The following ADGRL3 variants were observed in gnomAD, a reference collection of about 807,000 sequenced individuals.
ADGRL3 encodes adhesion G protein-coupled receptor L3.
In ADGRL3, 62 loss-of-function variants were observed where a neutral mutation model predicts 153.5. The observed-to-expected ratio is 0.40, with a 90% CI of 0.33 to 0.50. The LOEUF is 0.50. Among genes scored for constraint, ADGRL3 ranks in the 20% least tolerant of loss-of-function variants. ADGRL3 has a pLI of 0.47. For missense variants in ADGRL3, 1,641 were observed against 1,859.4 expected, an observed-to-expected ratio of 0.88 and a Z score of 2.16; for synonymous variants, 710 against 672.5, an observed-to-expected ratio of 1.06 and a Z score of -0.86.
At chr4:61,707,829 G>A (rs2095881779) in intron 6 of ADGRL3, among the ~76,000 whole-genome samples, 1 of 151,940 alleles carries the variant, frequency 6.6e-6, no homozygotes, top group Non-Finnish European at 1.5e-5. Context: ...CTGATGATAG[G>A]CCCATATGTG....
intron 5 of ADGRL3, among the ~76,000 whole-genome samples, chr4:61,626,906 T>G (rs1464734203): frequency 6.6e-6 from 1 of 152,132 alleles, no homozygotes; most frequent in African/African-American, 2.4e-5. Context: ...TAGTTTCTTT[T>G]GAGTTCCTCT....
chr4:61,627,452 C>T (rs957019129), intron 5 of ADGRL3, among the ~76,000 whole-genome samples: 1 of 151,984 alleles, frequency 6.6e-6, no homozygotes, highest in African/African-American at 2.4e-5. Context: ...GAAACCCCCT[C>T]TCTACTAAAA....
At chr4:61,702,673 T>C (rs1482728240) in intron 6 of ADGRL3, among the ~76,000 whole-genome samples, 1 of 152,150 alleles carries the variant, frequency 6.6e-6, no homozygotes, top group Non-Finnish European at 1.5e-5. Context: ...GCTGAAAGCC[T>C]CTAGAAATCA....
intron 2 of ADGRL3, among the ~76,000 whole-genome samples, chr4:61,444,614 C>T (rs2097561667): frequency 6.6e-6 from 1 of 152,116 alleles, no homozygotes; most frequent in African/African-American, 2.4e-5. Context: ...TCACCCTCTC[C>T]CATGCATATG....
At chr4:61,668,217 A>T (rs2094867918) in intron 5 of ADGRL3, among the ~76,000 whole-genome samples, 1 of 152,200 alleles carries the variant, frequency 6.6e-6, no homozygotes. Context: ...TGACTTTAGA[A>T]ATGAGGAAGA....
chr4:61,205,222 T>G (rs1321613427), intron 1 of ADGRL3, among the ~76,000 whole-genome samples: 1 of 152,220 alleles, frequency 6.6e-6, no homozygotes, highest in Non-Finnish European at 1.5e-5. Flanking sequence ...TTTGGACCAC[T>G]TTAAGTGTTG....
intron 9 of ADGRL3, among the ~76,000 whole-genome samples, chr4:61,844,429 C>G (rs1055626658): frequency 1.3e-5 from 2 of 148,988 alleles, no homozygotes; most frequent in African/African-American, 5.0e-5. Context: ...CACCTGTAAT[C>G]CCAGCTACTC....
At chr4:62,018,653 G>C (rs969461587) in intron 21 of ADGRL3, among the ~76,000 whole-genome samples, 7 of 152,148 alleles carry the variant, frequency 4.6e-5, no homozygotes, top group Non-Finnish European at 1.0e-4. Context: ...AGACAAGTAG[G>C]AGCCCAGCTG....
At chr4:61,769,238 C>A (rs1360979825) in intron 8 of ADGRL3, among the ~76,000 whole-genome samples, 2 of 152,002 alleles carry the variant, frequency 1.3e-5, no homozygotes, top group Non-Finnish European at 2.9e-5. Context: ...GTTTTGGGTT[C>A]ACGGATAAAA....
chr4:61,289,378 A>T (rs1392377123), intron 1 of ADGRL3, among the ~76,000 whole-genome samples: 1 of 152,052 alleles, frequency 6.6e-6, no homozygotes, highest in African/African-American at 2.4e-5. Context: ...GATATTTATA[A>T]TTCTACCAAA....
At chr4:61,347,485 C>T (rs1180269148) in intron 1 of ADGRL3, among the ~76,000 whole-genome samples, 1 of 151,954 alleles carries the variant, frequency 6.6e-6, no homozygotes, top group Non-Finnish European at 1.5e-5. Flanking sequence ...GAACTATAGT[C>T]CTACAGTATG....
intron 5 of ADGRL3, among the ~76,000 whole-genome samples, chr4:61,599,377 C>T (rs184658346): frequency 6.6e-6 from 1 of 152,132 alleles, no homozygotes; most frequent in Non-Finnish European, 1.5e-5. Context: ...TCTCATTCTG[C>T]CACCCAGGCT....
chr4:61,470,929 T>C (rs1487151877), intron 2 of ADGRL3, among the ~76,000 whole-genome samples: 1 of 151,984 alleles, frequency 6.6e-6, no homozygotes, highest in Non-Finnish European at 1.5e-5. Flanking sequence ...TTTTTAAAGT[T>C]GCAAAGAATA....
chr4:61,834,045 A>G (rs192709551), intron 9 of ADGRL3, among the ~76,000 whole-genome samples: 5,106 of 147,960 alleles, frequency 0.035, 105 homozygotes, highest in Non-Finnish European at 0.053. Context: ...TACATGTGCC[A>G]TGTTGGTGTG....
At chr4:61,385,340 A>T (rs1396010018) in intron 2 of ADGRL3, 1 of 152,284 alleles carries the variant, frequency 6.6e-6, no homozygotes, top group African/African-American at 2.4e-5. Flanking sequence ...ATGATACTTC[A>T]CAGACTGTTC....
chr4:61,322,481 G>A (rs989647253), intron 1 of ADGRL3, among the ~76,000 whole-genome samples: 1 of 152,144 alleles, frequency 6.6e-6, no homozygotes. Flanking sequence ...AAACCCTTCT[G>A]CATATGAGCC....
intron 8 of ADGRL3, among the ~76,000 whole-genome samples, chr4:61,755,573 T>C (rs1580653249): frequency 6.6e-6 from 1 of 152,306 alleles, no homozygotes; most frequent in East Asian, 1.9e-4. Context: ...GTAGGTTGCC[T>C]GTTCACTCTG....
At chr4:61,232,311 C>A (rs1012275521) in intron 1 of ADGRL3, among the ~76,000 whole-genome samples, 1 of 92,198 alleles carries the variant, frequency 1.1e-5, no homozygotes, top group African/African-American at 2.8e-5. Flanking sequence ...AATGTCACTT[C>A]ATTTTTTTTT....
chr4:61,388,512 G>C (rs976116718), intron 2 of ADGRL3, among the ~76,000 whole-genome samples: 1 of 152,064 alleles, frequency 6.6e-6, no homozygotes, highest in Non-Finnish European at 1.5e-5. Context: ...CAGTTCTTTG[G>C]GCACAAATTA....
Sources: gnomAD v4.1 joint callset for allele counts (sites outside exome capture counted in the v4.1 genomes callset) on GRCh38, gnomAD v4.1.1 for gene constraint, MANE v1.5 for transcripts, NCBI Gene and HGNC (gene_info 2026-07-23, HGNC 2026-07-21) for gene names.